Variants in TMEM266 observed in about 807,000 individuals in gnomAD.
TMEM266 encodes the protein transmembrane protein 266.
TMEM266 carries 33 observed loss-of-function variants against 50.5 expected under a neutral mutation model. That is an observed-to-expected ratio of 0.65 (90% CI 0.50 to 0.87). TMEM266 has a LOEUF of 0.87. TMEM266 is among the 40% of genes least tolerant of loss of function. The pLI is 0.00. For missense variants in TMEM266, 655 were observed against 695.1 expected (o/e 0.94, Z 0.65); for synonymous variants, 310 against 292.3 (o/e 1.06, Z -0.62).
rs181353747 is a variant in TMEM266 at position 76,168,650 on chromosome 15, A to G, written c.457-1166A>G. Among the ~76,000 whole-genome samples the G allele has an allele frequency of 1.1e-3, 175 of 152,362 alleles. No individual in the cohort carries two copies. Among genetic ancestry groups the G allele is most frequent in the Non-Finnish European group, 2.4e-3 (163 of 68,032 alleles). On this transcript the variant is annotated intron_variant, in intron 5 of 10. Coordinates refer to ENST00000388942, the MANE Select transcript of TMEM266 (RefSeq NM_152335.3). This position sits in a 1 kb window ranked among gnomAD's most constrained non-coding sequence, Gnocchi z 4.4. ...TCGGGAATTATTCCTTCATGCACGCATTGTTCATCTGTCCACAGTGCATAA... is the reference window on the plus strand; with the variant it reads ...TCGGGAATTATTCCTTCATGCACGCGTTGTTCATCTGTCCACAGTGCATAA...
rs975663526 is a variant in TMEM266 at position 76,139,721 on chromosome 15, G to T, written c.227+1826G>T. Among the ~76,000 whole-genome samples the T allele has an allele frequency of 1.3e-5, 2 of 152,260 alleles. No homozygotes were observed. The highest frequency in any genetic ancestry group is 2.9e-5 in the Non-Finnish European group (2 of 68,042). On this transcript the variant is annotated intron_variant, in intron 3 of 10. Transcript: ENST00000388942. The surrounding 1 kb of genome is among the most constrained non-coding windows in gnomAD (Gnocchi z 4.1). ...TCTAACATGCCCTAGCTATTTCGGA[G>T]AATTCATTTCCTGCCCCCGGCCTGA... is the stretch of plus-strand genomic sequence containing the variant.
intron 8 of TMEM266, among the ~76,000 whole-genome samples, chr15:76,185,777 G>A (rs921025272): frequency 3.3e-5 from 5 of 152,156 alleles, no homozygotes; most frequent in Non-Finnish European, 7.3e-5. Flanking sequence ...ATTTTGGCAG[G>A]GAGTAGAGGA....
Position 76,120,849 on chromosome 15 carries a change from T to G in TMEM266, c.-96-13319T>G, listed in dbSNP as rs72736814. Among the ~76,000 whole-genome samples the G allele has an allele frequency of 6.2e-3, 914 of 147,100 alleles. 7 individuals carry two copies. The highest frequency in any genetic ancestry group is 8.8e-3 in the Non-Finnish European group (592 of 67,142). ...TGCATGCATATGTATATTAAGGGAG[T>G]ACAACATGAGGCAGGTAATGTGGGG... On this transcript the variant is annotated intron_variant, in intron 1 of 10. Coordinates refer to ENST00000388942, the MANE Select transcript of TMEM266 (RefSeq NM_152335.3).
chr15:76,117,150 C>T (rs558182364), intron 1 of TMEM266, among the ~76,000 whole-genome samples: 7 of 152,232 alleles, frequency 4.6e-5, no homozygotes, highest in African/African-American at 1.4e-4. Context: ...CTGCCTGCCT[C>T]GGCCTCCCAA....
intron 1 of TMEM266, among the ~76,000 whole-genome samples, chr15:76,116,921 C>T (rs4886767): frequency 0.33 from 44,895 of 134,370 alleles, 8,281 homozygotes; most frequent in East Asian, 0.57. Context: ...TTTTTTGAGA[C>T]GGAGTTTCGC....
rs71140194 is a variant in TMEM266 at position 76,075,837 on chromosome 15, CTTTTTTTTTTTTTTTTTT to C, written c.-97+15841_-97+15858del. 2.5e-3 allele frequency among the ~76,000 whole-genome samples: 59 copies of C among 23,590 alleles called. 1 individual carries two copies. The highest frequency in any genetic ancestry group is 5.2e-3 in the African/African-American group (43 of 8,260). 15.5% of individuals were successfully genotyped at this position (23,590 alleles called of 152,430 possible). A position where few individuals can be genotyped will look rare whatever the true frequency, so the allele number is the denominator to read the frequency against. On this transcript the variant is annotated intron_variant, in intron 1 of 10. Coordinates refer to ENST00000388942, the MANE Select transcript of TMEM266 (RefSeq NM_152335.3). ...CTGGAGGAGAATGAAGAGAAGGCAG[CTTTTTTTTTTTTTTTTTT>C]TTTTTTTTTTTTTTTTTTTGAGACA...
chr15:76,152,832 C>T (rs2142044070), intron 3 of TMEM266, among the ~76,000 whole-genome samples: 1 of 152,322 alleles, frequency 6.6e-6, no homozygotes, highest in Non-Finnish European at 1.5e-5. Flanking sequence ...GATTGCCTGA[C>T]CCTCTCTCCC....
Position 76,067,645 on chromosome 15 carries a change from A to AAAAAG in TMEM266, c.-97+7654_-97+7658dup, listed in dbSNP as rs373038029. ...AAGGCTGCGTCTCAAAAAAAAAAAA[A>AAAAAG]AAAAGAAAAGAAAAGAAAAGAAAAG... On this transcript the variant is annotated intron_variant, in intron 1 of 10. Transcript: ENST00000388942. Among the ~76,000 whole-genome samples the AAAAAG allele has an allele frequency of 3.8e-3, 411 of 109,034 alleles. 1 individual carries two copies. Among genetic ancestry groups the AAAAAG allele is most frequent in the Non-Finnish European group, 6.0e-3 (343 of 56,934 alleles). 71.5% of individuals were successfully genotyped at this position (109,034 alleles called of 152,430 possible).
At chr15:76,094,988 G>T (rs2036901865) in intron 1 of TMEM266, among the ~76,000 whole-genome samples, 1 of 152,078 alleles carries the variant, frequency 6.6e-6, no homozygotes, top group African/African-American at 2.4e-5. Flanking sequence ...TGCTGAAGTT[G>T]CTTATCAGCT....
intron 9 of TMEM266, among the ~76,000 whole-genome samples, chr15:76,201,267 G>GC (rs2038742642): frequency 6.6e-6 from 1 of 152,146 alleles, no homozygotes; most frequent in African/African-American, 2.4e-5. Flanking sequence ...TTGGAACAAG[G>GC]CCCAGCTCTT....
intron 1 of TMEM266, among the ~76,000 whole-genome samples, chr15:76,093,259 G>A (rs2036877152): frequency 6.6e-6 from 1 of 151,836 alleles, no homozygotes; most frequent in South Asian, 2.1e-4. Context: ...CCTACATTAA[G>A]TATTTCTCCT....
intron 8 of TMEM266, among the ~76,000 whole-genome samples, chr15:76,189,587 C>T (rs532238421): frequency 6.6e-5 from 10 of 151,904 alleles, no homozygotes; most frequent in Admixed American, 4.6e-4. Context: ...CCCTGAGAGT[C>T]TGGGAGGAAG....
chr15:76,153,324 A>G lies in TMEM266; in HGVS notation c.228-3280A>G, dbSNP rs772479593. ...GACCCTCCTCTGGGGTAGAAGGAGC[A>G]GTGTCTTAGGGATGTCCAAGGCACG... On this transcript the variant is annotated intron_variant, in intron 3 of 10. Coordinates refer to ENST00000388942, the MANE Select transcript of TMEM266 (RefSeq NM_152335.3). The surrounding 1 kb of genome is among the most constrained non-coding windows in gnomAD (Gnocchi z 4.2). Among the ~76,000 whole-genome samples, 3 of 152,140 alleles carry G rather than the reference A, an allele frequency of 2.0e-5. No homozygotes were observed. Among genetic ancestry groups the G allele is most frequent in the Non-Finnish European group, 4.4e-5 (3 of 68,030 alleles).
intron 7 of TMEM266, 104 bp from the exon 8 acceptor site, chr15:76,175,455 G>T (rs2038258865): frequency 3.8e-6 from 3 of 794,482 alleles, no homozygotes; most frequent in Non-Finnish European, 6.3e-6. Flanking sequence ...CACAGAAATG[G>T]CCCAGGGCCT....
intron 8 of TMEM266, among the ~76,000 whole-genome samples, chr15:76,186,148 G>T (rs986561192): frequency 6.6e-6 from 1 of 152,156 alleles, no homozygotes; most frequent in African/African-American, 2.4e-5. Flanking sequence ...AGAAGCCAGG[G>T]GCGTGGGCTG....
intron 3 of TMEM266, among the ~76,000 whole-genome samples, chr15:76,138,893 A>G (rs1397068303): frequency 6.6e-6 from 1 of 152,182 alleles, no homozygotes; most frequent in African/African-American, 2.4e-5. Flanking sequence ...GCAGGGGAGA[A>G]CACACCAGTT....
intron 3 of TMEM266, among the ~76,000 whole-genome samples, chr15:76,148,006 A>T (rs2037781431): frequency 1.3e-5 from 2 of 152,234 alleles, no homozygotes; most frequent in Admixed American, 6.5e-5. Flanking sequence ...AAGGCAATAC[A>T]TTCACAGATG....
intron 9 of TMEM266, among the ~76,000 whole-genome samples, chr15:76,193,574 G>A (rs950331342): frequency 6.6e-6 from 1 of 152,128 alleles, no homozygotes; most frequent in African/African-American, 2.4e-5. Flanking sequence ...GGGCTAGAGG[G>A]GATTTCTGGG....
rs1596147931 is a variant in TMEM266 at position 76,168,130 on chromosome 15, C to G, written c.457-1686C>G. ...CCAGCCCATTATTGAGCTCTGATCT[C>G]AAGACATTGTGGCCACCCCACCCAG... On this transcript the variant is annotated intron_variant, in intron 5 of 10. Coordinates refer to ENST00000388942, the MANE Select transcript of TMEM266 (RefSeq NM_152335.3). This position sits in a 1 kb window ranked among gnomAD's most constrained non-coding sequence, Gnocchi z 4.4. 6.6e-6 allele frequency among the ~76,000 whole-genome samples: 1 copy of G among 152,218 alleles called. No homozygotes were observed. The highest frequency in any genetic ancestry group is 1.5e-5 in the Non-Finnish European group (1 of 68,042).
Sources: gnomAD v4.1 joint callset for allele counts (sites outside exome capture counted in the v4.1 genomes callset) on GRCh38, gnomAD v4.1.1 for gene constraint, Gnocchi (gnomAD v3.1) non-coding constraint, MANE v1.5 for transcripts, NCBI Gene and HGNC (gene_info 2026-07-23, HGNC 2026-07-21) for gene names.